The following PRKAA2 variants were observed in gnomAD, a reference collection of about 807,000 sequenced individuals.
PRKAA2 encodes protein kinase AMP-activated catalytic subunit alpha 2, also known as 5'-AMP-activated protein kinase catalytic subunit alpha-2.
A neutral mutation model predicts 56.3 loss-of-function variants in PRKAA2; 40 were observed. That is an observed-to-expected ratio of 0.71 (90% CI 0.55 to 0.92). The LOEUF is 0.92. Among genes scored for constraint, PRKAA2 ranks in the 40% least tolerant of loss-of-function variants. The pLI is 0.00. For synonymous variants in PRKAA2, 214 were observed against 234.2 expected, an observed-to-expected ratio of 0.91 and a Z score of 0.79; for missense variants, 542 against 686.9, an observed-to-expected ratio of 0.79 and a Z score of 2.36.
At chr1:56,693,960 G>A (rs1048860432) in intron 5 of PRKAA2, 108 bp downstream of exon 5, 2 of 710,782 alleles carry the variant, frequency 2.8e-6, no homozygotes, top group African/African-American at 1.8e-5. Context: ...GGTAGAAATG[G>A]ATTATTCATT....
Position 56,691,441 on chromosome 1 carries a change from ATG to A in PRKAA2, c.288_289del (p.Ser97TrpfsTer3), listed in dbSNP as rs1443942575. 1 of 1,612,832 alleles carries A rather than the reference ATG, an allele frequency of 6.2e-7. No homozygotes were observed. Among genetic ancestry groups the A allele is most frequent in the Admixed American group, 1.7e-5 (1 of 59,998 alleles). On this transcript the variant is annotated frameshift_variant, in exon 3 of 9. Coordinates refer to ENST00000371244, the MANE Select transcript of PRKAA2 (RefSeq NM_006252.4). LOFTEE classifies it high-confidence loss of function. Reference sequence around the variant, plus strand: ...ACAGATTTTTTTATGGTAATGGAATATGTGTCTGGAGGTGAATTATTTGACTA... The same window carrying A: ...ACAGATTTTTTTATGGTAATGGAATATGTCTGGAGGTGAATTATTTGACTA...
At chr1:56,672,045 G>A (rs920106693) in intron 1 of PRKAA2, among the ~76,000 whole-genome samples, 1 of 152,126 alleles carries the variant, frequency 6.6e-6, no homozygotes, top group Non-Finnish European at 1.5e-5. Flanking sequence ...TATGCTATGT[G>A]CTACCAAGTG....
intron 1 of PRKAA2, among the ~76,000 whole-genome samples, chr1:56,660,083 TTTC>T (rs1250885609): frequency 6.6e-6 from 1 of 152,210 alleles, no homozygotes; most frequent in Non-Finnish European, 1.5e-5. Flanking sequence ...TACATCACTG[TTTC>T]TTCTATTAGA....
chr1:56,657,743 TA>T (rs1435184539), intron 1 of PRKAA2, among the ~76,000 whole-genome samples: 1 of 151,762 alleles, frequency 6.6e-6, no homozygotes, highest in Non-Finnish European at 1.5e-5. Context: ...TCAAAATAAA[TA>T]AATGAATGAA....
At chr1:56,695,085 T>A (rs892996324) in intron 5 of PRKAA2, among the ~76,000 whole-genome samples, 5 of 151,328 alleles carry the variant, frequency 3.3e-5, no homozygotes, top group African/African-American at 1.2e-4. Context: ...AAATAGTAAG[T>A]ACTCAGGATA....
intron 1 of PRKAA2, among the ~76,000 whole-genome samples, chr1:56,653,929 G>A (rs968582420): frequency 6.6e-6 from 1 of 151,944 alleles, no homozygotes; most frequent in African/African-American, 2.4e-5. Context: ...AGATCCCATG[G>A]TATCCATCAT....
intron 2 of PRKAA2, among the ~76,000 whole-genome samples, chr1:56,683,783 T>C (rs1644172738): frequency 6.6e-6 from 1 of 151,896 alleles, no homozygotes; most frequent in African/African-American, 2.4e-5. Context: ...AGGTCAGAGA[T>C]CAAGGGAGCA....
chr1:56,663,795 T>C (rs993169890), intron 1 of PRKAA2, among the ~76,000 whole-genome samples: 6 of 152,162 alleles, frequency 3.9e-5, no homozygotes, highest in Non-Finnish European at 8.8e-5. Context: ...TGCTATGGGC[T>C]TCATCTTCAA....
In PRKAA2 at chr1:56,709,714, T is replaced by C. The variant is rs1355000174; in HGVS notation, c.*2001T>C. Reference sequence around the variant, plus strand: ...CCCAATGACAAAATCCACAAAAATTTTGAAGGCAGAGAAACAGAAGGAATC... The same window carrying C: ...CCCAATGACAAAATCCACAAAAATTCTGAAGGCAGAGAAACAGAAGGAATC... On this transcript the variant is annotated 3_prime_UTR_variant, in exon 9 of 9. Transcript: ENST00000371244. 6.6e-6 allele frequency: 1 copy of C among 152,134 alleles called. No individual in the cohort carries two copies. Among genetic ancestry groups the C allele is most frequent in the Non-Finnish European group, 1.5e-5 (1 of 68,004 alleles). 9.4% of individuals were successfully genotyped at this position (152,134 alleles called of 1,614,324 possible).
rs1644384659 is a variant in PRKAA2 at position 56,713,716 on chromosome 1, G to C, written c.*6003G>C. Reference sequence around the variant, plus strand: ...AAAAACATTCTAGCCAAGGAGAATTGCATTGTTATTTTTTTTTCTACTAAT... The same window carrying C: ...AAAAACATTCTAGCCAAGGAGAATTCCATTGTTATTTTTTTTTCTACTAAT... On this transcript the variant is annotated 3_prime_UTR_variant, in exon 9 of 9. Transcript: ENST00000371244. 1 of 144,454 alleles carries C rather than the reference G, an allele frequency of 6.9e-6. No homozygotes were observed. Among genetic ancestry groups the C allele is most frequent in the Non-Finnish European group, 1.6e-5 (1 of 63,134 alleles). 8.9% of individuals were successfully genotyped at this position (144,454 alleles called of 1,614,324 possible).
At position 56,708,953 on chromosome 1, in the gene PRKAA2, G is replaced by A. The variant is rs1644351579; in HGVS notation, c.*1240G>A. ...ACCAGTTTTTTTGTTTGTTTGTTTTGCTTTGTGCAGGTTTTCTTTAAGATT... is the reference window on the plus strand; with the variant it reads ...ACCAGTTTTTTTGTTTGTTTGTTTTACTTTGTGCAGGTTTTCTTTAAGATT... On this transcript the variant is annotated 3_prime_UTR_variant, in exon 9 of 9. Coordinates refer to ENST00000371244, the MANE Select transcript of PRKAA2 (RefSeq NM_006252.4). 6.6e-6 allele frequency: 1 copy of A among 151,194 alleles called. No homozygotes were observed. Among genetic ancestry groups the A allele is most frequent in the African/African-American group, 2.4e-5 (1 of 41,078 alleles). The allele number at this position is 151,194 out of a possible 1,614,324, so 9.4% of individuals were successfully genotyped here.
intron 2 of PRKAA2, among the ~76,000 whole-genome samples, chr1:56,688,956 G>T (rs1347711819): frequency 6.6e-6 from 1 of 152,264 alleles, no homozygotes. Flanking sequence ...GCTTAGTAAC[G>T]TTATGATTTT....
intron 5 of PRKAA2, among the ~76,000 whole-genome samples, chr1:56,695,196 A>ATATATG (rs1644251181): frequency 6.8e-6 from 1 of 146,126 alleles, no homozygotes; most frequent in Non-Finnish European, 1.5e-5. Flanking sequence ...ATATATATAT[A>ATATATG]TATATATTTT....
chr1:56,702,788 A>C (rs1035110718), intron 6 of PRKAA2, among the ~76,000 whole-genome samples: 8 of 152,302 alleles, frequency 5.3e-5, no homozygotes, highest in Admixed American at 4.6e-4. Flanking sequence ...ATTCTAAATT[A>C]TATACTCTCA....
intron 1 of PRKAA2, among the ~76,000 whole-genome samples, chr1:56,647,363 A>G (rs1344021015): frequency 1.3e-5 from 2 of 152,184 alleles, no homozygotes; most frequent in Non-Finnish European, 2.9e-5. Context: ...GTCCTTTCAT[A>G]TTGTGTTAAA....
At chr1:56,664,855 T>TACACACACAC (rs67041631) in intron 1 of PRKAA2, among the ~76,000 whole-genome samples, 3,202 of 139,848 alleles carry the variant, frequency 0.023, 40 homozygotes, top group South Asian at 0.036. Flanking sequence ...AGTATATGTG[T>TACACACACAC]ACACACACAC....
Position 56,696,118 on chromosome 1 carries a change from G to A in PRKAA2, c.747G>A (p.Leu249=), listed in dbSNP as rs138611495. The A allele has an allele frequency of 4.0e-5, 64 of 1,613,436 alleles. No individual in the cohort carries two copies. The highest frequency in any genetic ancestry group is 5.3e-5 in the Non-Finnish European group (62 of 1,179,892). The change falls in exon 6 of 9, where the codon CTG becomes CTA. Residue 249 remains leucine, a synonymous_variant. Coordinates refer to ENST00000371244, the MANE Select transcript of PRKAA2 (RefSeq NM_006252.4). ...RSVATLLMHM[L]QVDPLKRATI... ...TCGCCACTCTCCTGATGCATATGCT[G>A]CAGGTTGACCCACTGAAACGAGCAA...
At chr1:56,657,316 T>TA (rs1643952365) in intron 1 of PRKAA2, among the ~76,000 whole-genome samples, 2 of 152,224 alleles carry the variant, frequency 1.3e-5, no homozygotes, top group Admixed American at 6.5e-5. Flanking sequence ...AATTTTTTTT[T>TA]ACCTTCGAAG....
In PRKAA2 at chr1:56,691,426, T is replaced by C; in HGVS notation, c.269T>C (p.Phe90Ser). Residue 90 changes from phenylalanine (F) to serine (S), a missense_variant, in exon 3 of 9, where the codon TTT (phenylalanine) becomes TCT (serine). Physicochemically the swap from Phe to Ser is radical, Grantham distance 155 (BLOSUM62 -2). Coordinates refer to ENST00000371244, the MANE Select transcript of PRKAA2 (RefSeq NM_006252.4). ...GTGATCAGCACTCCAACAGATTTTT[T>C]TATGGTAATGGAATATGTGTCTGGA... is the stretch of plus-strand genomic sequence containing the variant. ...YQVISTPTDF[F>S]MVMEYVSGGE... 2 of 1,612,884 alleles carry C rather than the reference T, an allele frequency of 1.2e-6. No homozygotes were observed. Among genetic ancestry groups the C allele is most frequent in the South Asian group, 1.1e-5 (1 of 90,974 alleles).
Sources: allele counts gnomAD v4.1 joint callset (sites outside exome capture counted in the v4.1 genomes callset), GRCh38; gene constraint gnomAD v4.1.1; transcripts MANE v1.5; gene names NCBI Gene and HGNC (gene_info 2026-07-23, HGNC 2026-07-21).